SMG7: variants seen among roughly 807,000 people sequenced by gnomAD.
The protein encoded by SMG7 is SMG7 nonsense mediated mRNA decay factor.
Under a neutral mutation model 148.2 loss-of-function variants are expected in SMG7, and 34 were observed. The observed-to-expected ratio is 0.23, with a 90% CI of 0.17 to 0.31. The LOEUF is 0.31. Among genes scored for constraint, SMG7 ranks in the 10% least tolerant of loss-of-function variants. The probability of loss-of-function intolerance (pLI) is 1.00; values close to 1 mark genes in which losing one functional copy is unlikely to be tolerated. For synonymous variants in SMG7, 492 were observed against 515.1 expected, an observed-to-expected ratio of 0.96 and a Z score of 0.61; for missense variants, 1,114 against 1,408.4, an observed-to-expected ratio of 0.79 and a Z score of 3.35.
At chr1:183,472,684 G>C in intron 1 of SMG7, 35 bp downstream of exon 1, 1 of 1,457,032 alleles carries the variant, frequency 6.9e-7, no homozygotes, top group Non-Finnish European at 9.1e-7. Context: ...CGTAGGGGGA[G>C]CGGGCCGCAG....
intron 1 of SMG7, among the ~76,000 whole-genome samples, chr1:183,477,839 T>C (rs954829747): frequency 6.6e-6 from 1 of 152,150 alleles, no homozygotes; most frequent in African/African-American, 2.4e-5. Context: ...TATATACATA[T>C]ATTTTTTGTA....
rs1488981293 is a variant in SMG7, at chr1:183,527,706, C to T, written c.485-250C>T. The T allele has an allele frequency of 1.9e-6, 1 of 530,858 alleles. No homozygotes were observed. Among genetic ancestry groups the T allele is most frequent in the Admixed American group, 2.3e-5 (1 of 44,266 alleles). The allele number at this position is 530,858 out of a possible 1,614,324, so 32.9% of individuals were successfully genotyped here. A position where few individuals can be genotyped will look rare whatever the true frequency, so the allele number is the denominator to read the frequency against. On this transcript the variant is annotated intron_variant, in intron 5 of 22. Transcript: ENST00000688051. The surrounding 1 kb of genome is among the most constrained non-coding windows in gnomAD (Gnocchi z 4.0). ...TAGTGGGAGCTGGTGATGCATGACACTGGAGGACCTGAAAATGGGGTCTAG... is the reference window on the plus strand; with the variant it reads ...TAGTGGGAGCTGGTGATGCATGACATTGGAGGACCTGAAAATGGGGTCTAG...
At chr1:183,533,516 A>C (rs901226831) in intron 9 of SMG7, among the ~76,000 whole-genome samples, 160 bp from the exon 10 acceptor site, 1 of 152,338 alleles carries the variant, frequency 6.6e-6, no homozygotes, top group Non-Finnish European at 1.5e-5. Context: ...TCAAGTTGTA[A>C]CTATAACATT....
intron 1 of SMG7, among the ~76,000 whole-genome samples, chr1:183,484,766 A>AT (rs538775390): frequency 2.2e-3 from 338 of 152,174 alleles, no homozygotes; most frequent in African/African-American, 7.8e-3. Flanking sequence ...TTATCTAAAA[A>AT]TTTTTTGGTA....
At chr1:183,539,235 C>T (rs1668350717) in intron 12 of SMG7, among the ~76,000 whole-genome samples, 1 of 152,150 alleles carries the variant, frequency 6.6e-6, no homozygotes, top group Admixed American at 6.5e-5. Flanking sequence ...TTTAAACTAT[C>T]AGTGCCTTCT....
chr1:183,510,039 A>C (rs898899245), intron 1 of SMG7, among the ~76,000 whole-genome samples: 1 of 152,210 alleles, frequency 6.6e-6, no homozygotes, highest in African/African-American at 2.4e-5. Context: ...TAGCATACTG[A>C]AATGTTACTT....
chr1:183,549,762 A>C lies in SMG7; in HGVS notation c.2974-2A>C. 1 of 1,612,840 alleles carries C rather than the reference A, an allele frequency of 6.2e-7. No individual in the cohort carries two copies. Among genetic ancestry groups the C allele is most frequent in the Non-Finnish European group, 8.5e-7 (1 of 1,178,946 alleles). Reference sequence around the variant, plus strand: ...TTATAACTTCACTGTCATGTCTTTCAGGAAAGATACCCAAATAATAGTATG... The same window carrying C: ...TTATAACTTCACTGTCATGTCTTTCCGGAAAGATACCCAAATAATAGTATG... On this transcript the variant is annotated splice_acceptor_variant, in intron 19 of 22. Transcript: ENST00000688051. LOFTEE classifies it high-confidence loss of function.
chr1:183,548,002 T>A (rs973569750), intron 18 of SMG7, among the ~76,000 whole-genome samples: 1 of 152,216 alleles, frequency 6.6e-6, no homozygotes, highest in African/African-American at 2.4e-5. Flanking sequence ...CTCTCTTTAT[T>A]ACACCTTAAT....
At position 183,527,524 on chromosome 1, in the gene SMG7, A is replaced by G. The variant is rs1666093912; in HGVS notation, c.485-432A>G. The G allele has an allele frequency of 2.3e-6, 1 of 438,058 alleles. No individual in the cohort carries two copies. Among genetic ancestry groups the G allele is most frequent in the Non-Finnish European group, 4.8e-6 (1 of 209,768 alleles). The allele number at this position is 438,058 out of a possible 1,614,324, so 27.1% of individuals were successfully genotyped here. ...TTGCACACACATATTTAATATTGCA[A>G]TAGGAATGAGACATTTTTCAAAATC... is the stretch of plus-strand genomic sequence containing the variant. On this transcript the variant is annotated intron_variant, in intron 5 of 22. Transcript: ENST00000688051. The surrounding 1 kb of genome is among the most constrained non-coding windows in gnomAD (Gnocchi z 4.0).
chr1:183,472,850 G>A, intron 1 of SMG7: 1 of 422,574 alleles, frequency 2.4e-6, no homozygotes, highest in East Asian at 3.6e-5. Context: ...CCCGGGCTGA[G>A]CTCTGGCGAA....
chr1:183,477,778 ATGTG>A (rs1387292898), intron 1 of SMG7, among the ~76,000 whole-genome samples: 1 of 151,928 alleles, frequency 6.6e-6, no homozygotes, highest in African/African-American at 2.4e-5. Context: ...ACATGTGTGT[ATGTG>A]TGTATGTATA....
At chr1:183,529,830 T>C (rs1400649813) in intron 8 of SMG7, among the ~76,000 whole-genome samples, 1 of 152,126 alleles carries the variant, frequency 6.6e-6, no homozygotes, top group Non-Finnish European at 1.5e-5. Context: ...CTACTTTTGA[T>C]GGTTTGTGTA....
intron 1 of SMG7, among the ~76,000 whole-genome samples, chr1:183,490,838 T>C (rs1259203436): frequency 2.0e-5 from 3 of 152,196 alleles, no homozygotes; most frequent in Non-Finnish European, 4.4e-5. Context: ...CAGGTTGGAG[T>C]GCAGTGGCAC....
At chr1:183,477,650 G>A (rs1186818341) in intron 1 of SMG7, among the ~76,000 whole-genome samples, 1 of 133,892 alleles carries the variant, frequency 7.5e-6, no homozygotes, top group African/African-American at 2.9e-5. Context: ...ATATATACGT[G>A]TGTGCATATG....
chr1:183,484,844 T>G (rs1415493639), intron 1 of SMG7, among the ~76,000 whole-genome samples: 1 of 152,178 alleles, frequency 6.6e-6, no homozygotes, highest in Non-Finnish European at 1.5e-5. Flanking sequence ...AAAGGCTTAT[T>G]ATACTCTTAG....
At chr1:183,545,425 G>C in intron 16 of SMG7, 113 bp downstream of exon 16, 3 of 1,232,314 alleles carry the variant, frequency 2.4e-6, no homozygotes, top group Non-Finnish European at 3.4e-6. Flanking sequence ...TAGATTTATA[G>C]TGATTATGGG....
At chr1:183,539,241 C>T (rs1234335109) in intron 12 of SMG7, among the ~76,000 whole-genome samples, 1 of 152,144 alleles carries the variant, frequency 6.6e-6, no homozygotes, top group Non-Finnish European at 1.5e-5. Flanking sequence ...CTATCAGTGC[C>T]TTCTAGATAC....
intron 8 of SMG7, among the ~76,000 whole-genome samples, chr1:183,531,280 T>G (rs2102622031): frequency 6.6e-6 from 1 of 152,222 alleles, no homozygotes; most frequent in South Asian, 2.1e-4. Context: ...ACTAAGGGAT[T>G]TAAGGCCTGG....
At chr1:183,521,607 T>C (rs969401106) in intron 4 of SMG7, among the ~76,000 whole-genome samples, 4 of 152,156 alleles carry the variant, frequency 2.6e-5, no homozygotes, top group African/African-American at 9.7e-5. Flanking sequence ...AGGCCAGGCA[T>C]GGTGGCTCAT....
Sources: gnomAD v4.1 joint callset for allele counts (sites outside exome capture counted in the v4.1 genomes callset) on GRCh38, gnomAD v4.1.1 for gene constraint, Gnocchi (gnomAD v3.1) non-coding constraint, MANE v1.5 for transcripts, NCBI Gene and HGNC (gene_info 2026-07-23, HGNC 2026-07-21) for gene names.